Variants in SUMF1 observed in about 807,000 individuals in gnomAD.
SUMF1 encodes the protein formylglycine-generating enzyme.
A neutral mutation model predicts 47.6 loss-of-function variants in SUMF1; 48 were observed. That is an observed-to-expected ratio of 1.01 (90% CI 0.80 to 1.28). The LOEUF is 1.28. SUMF1 is among the 50% of genes most tolerant of loss of function. The probability of loss-of-function intolerance (pLI) is 0.00; values close to 1 mark genes in which losing one functional copy is unlikely to be tolerated. For synonymous variants in SUMF1, 230 were observed against 192.1 expected (o/e 1.20, Z -1.63); for missense variants, 571 against 485.4 (o/e 1.18, Z -1.66).
intron 8 of SUMF1, among the ~76,000 whole-genome samples, chr3:4,244,388 G>C (rs1057226325): frequency 6.6e-6 from 1 of 152,182 alleles, no homozygotes; most frequent in African/African-American, 2.4e-5. Context: ...TTCTGCAGTG[G>C]CTGGTATCAG....
At chr3:4,400,027 C>T (rs1197133822) in intron 7 of SUMF1, among the ~76,000 whole-genome samples, 3 of 152,228 alleles carry the variant, frequency 2.0e-5, no homozygotes, top group South Asian at 2.1e-4. Context: ...GCGTGAGCCA[C>T]TGCACCCAGC....
chr3:4,367,584 T>C (rs1218271498), intron 8 of SUMF1, among the ~76,000 whole-genome samples: 1 of 151,934 alleles, frequency 6.6e-6, no homozygotes, highest in Non-Finnish European at 1.5e-5. Flanking sequence ...GACTTCAAAC[T>C]ATACTACAAG....
At chr3:4,122,385 G>C (rs138769372) in intron 8 of SUMF1, among the ~76,000 whole-genome samples, 91 of 152,208 alleles carry the variant, frequency 6.0e-4, no homozygotes, top group African/African-American at 2.0e-3. Flanking sequence ...TGGTGGCTAG[G>C]GTTCAGGGAG....
chr3:4,187,263 G>A (rs1175757606), intron 8 of SUMF1, among the ~76,000 whole-genome samples: 1 of 152,044 alleles, frequency 6.6e-6, no homozygotes, highest in African/African-American at 2.4e-5. Flanking sequence ...CAGCTACTCA[G>A]GAGGCAAAGG....
Position 4,347,050 on chromosome 3 carries a change from C to A in SUMF1, c.1014+29280G>T, listed in dbSNP as rs141636933. 4.8e-3 allele frequency among the ~76,000 whole-genome samples: 734 copies of A among 152,142 alleles called. 7 individuals carry two copies. Among genetic ancestry groups the A allele is most frequent in the African/African-American group, 0.017 (708 of 41,518 alleles). On this transcript the variant is annotated intron_variant and NMD_transcript_variant, in intron 8 of 12. Coordinates refer to the SUMF1 transcript ENST00000448413. ...ATTGAGGCAGTAATTAATAGCCTAC[C>A]AACTAAAAAAAGCCCAGGACCAGAC...
chr3:4,182,834 C>G (rs1695124451), intron 8 of SUMF1, among the ~76,000 whole-genome samples: 1 of 152,122 alleles, frequency 6.6e-6, no homozygotes, highest in Non-Finnish European at 1.5e-5. Context: ...CTGAGAGACT[C>G]ATCACAATAA....
At position 4,364,822 on chromosome 3, in the gene SUMF1, A is replaced by G. The variant is rs553764618; in HGVS notation, c.1015-2568T>C. Among the ~76,000 whole-genome samples, 52 of 151,414 alleles carry G rather than the reference A, an allele frequency of 3.4e-4. 1 individual carries two copies. The highest frequency in any genetic ancestry group is 3.4e-3 in the Middle Eastern group (1 of 292). Reference sequence around the variant, plus strand: ...GTTCTTTTAATTGTGATGTTAGGGTATCAATTTTGGATCTTTCCTGCTTTC... The same window carrying G: ...GTTCTTTTAATTGTGATGTTAGGGTGTCAATTTTGGATCTTTCCTGCTTTC... On this transcript the variant is annotated intron_variant, in intron 8 of 8. Transcript: ENST00000272902.
chr3:4,210,852 T>A (rs1043283979), intron 8 of SUMF1, among the ~76,000 whole-genome samples: 3 of 151,734 alleles, frequency 2.0e-5, no homozygotes, highest in African/African-American at 7.3e-5. Flanking sequence ...CCACCCTTGA[T>A]CTGGGTGGGC....
At chr3:4,178,632 A>G (rs1695023111) in intron 8 of SUMF1, among the ~76,000 whole-genome samples, 1 of 152,210 alleles carries the variant, frequency 6.6e-6, no homozygotes, top group Non-Finnish European at 1.5e-5. Context: ...AACTGGCACA[A>G]GACAGGGCTG....
intron 8 of SUMF1, among the ~76,000 whole-genome samples, chr3:4,237,746 G>C (rs1439662390): frequency 6.6e-6 from 1 of 151,888 alleles, no homozygotes; most frequent in Non-Finnish European, 1.5e-5. Context: ...TCATATTTTA[G>C]GATTTTTGTA....
At chr3:4,301,283 G>C (rs1353821776) in intron 8 of SUMF1, among the ~76,000 whole-genome samples, 2 of 152,158 alleles carry the variant, frequency 1.3e-5, no homozygotes, top group Non-Finnish European at 2.9e-5. Flanking sequence ...TTGAGGGAAT[G>C]TCAACAGAAC....
Position 4,248,843 on chromosome 3 carries a change from G to C in SUMF1, c.1014+127487C>G, listed in dbSNP as rs545111580. On this transcript the variant is annotated intron_variant and NMD_transcript_variant, in intron 8 of 12. Coordinates refer to the SUMF1 transcript ENST00000448413. ...AACATGTTCCTAGAGCCTGCATGTG[G>C]TATGGAGGAAAACCGGACATTCCCA... Among the ~76,000 whole-genome samples, 314 of 152,230 alleles carry C rather than the reference G, an allele frequency of 2.1e-3. 2 individuals carry two copies. The highest frequency in any genetic ancestry group is 2.5e-3 in the Non-Finnish European group (167 of 68,038).
At chr3:4,142,812 G>A (rs1469464654) in intron 8 of SUMF1, among the ~76,000 whole-genome samples, 1 of 151,908 alleles carries the variant, frequency 6.6e-6, no homozygotes, top group Non-Finnish European at 1.5e-5. Context: ...TTTGCAAATT[G>A]AGCCCCCAAA....
chr3:4,059,767 A>C (rs995714939), intron 9 of SUMF1, among the ~76,000 whole-genome samples: 65 of 150,876 alleles, frequency 4.3e-4, no homozygotes, highest in African/African-American at 1.5e-3. Context: ...ACTGTGATCC[A>C]TGTTAGGAAT....
chr3:4,299,470 G>A (rs990626322), intron 8 of SUMF1, among the ~76,000 whole-genome samples: 1 of 152,216 alleles, frequency 6.6e-6, no homozygotes, highest in Non-Finnish European at 1.5e-5. Context: ...GATGTTTCAA[G>A]TACCATATTA....
chr3:4,177,750 G>T (rs1228101579), intron 8 of SUMF1, among the ~76,000 whole-genome samples: 1 of 152,036 alleles, frequency 6.6e-6, no homozygotes, highest in African/African-American at 2.4e-5. Flanking sequence ...GTGAATCCAG[G>T]AGCTGGTTTT....
At chr3:4,202,789 G>A (rs1362051110) in intron 8 of SUMF1, among the ~76,000 whole-genome samples, 1 of 151,624 alleles carries the variant, frequency 6.6e-6, no homozygotes, top group Non-Finnish European at 1.5e-5. Context: ...ATTTTCATTT[G>A]TTTTAATGAA....
At chr3:4,315,922 CTG>C (rs1299245869) in intron 8 of SUMF1, among the ~76,000 whole-genome samples, 1 of 151,688 alleles carries the variant, frequency 6.6e-6, no homozygotes, top group African/African-American at 2.4e-5. Context: ...TGGCACATGT[CTG>C]TAGTCCCAGC....
intron 8 of SUMF1, chr3:4,312,802 GTTAGAA>G (rs1414185370): frequency 3.5e-6 from 5 of 1,418,424 alleles, no homozygotes; most frequent in East Asian, 2.3e-5. Flanking sequence ...TTTTATATAT[GTTAGAA>G]TTAGAATGGG....
Sources: gnomAD v4.1 joint callset for allele counts (sites outside exome capture counted in the v4.1 genomes callset) on GRCh38, gnomAD v4.1.1 for gene constraint, MANE v1.5 for transcripts, NCBI Gene and HGNC (gene_info 2026-07-23, HGNC 2026-07-21) for gene names.